COL19A1: variants seen among roughly 807,000 people sequenced by gnomAD.
The protein encoded by COL19A1 is collagen type XIX alpha 1 chain, also known as collagen alpha-1(XIX) chain.
In COL19A1, 159 loss-of-function variants were observed where a neutral mutation model predicts 190.2. The ratio of observed to expected loss-of-function variants is 0.84; its 90% CI spans 0.73 to 0.95. COL19A1 has a LOEUF of 0.95. COL19A1 is among the 40% of genes least tolerant of loss of function. The pLI is 0.00. For missense variants in COL19A1, 1,418 were observed against 1,431.9 expected (o/e 0.99, Z 0.16); for synonymous variants, 509 against 458.9 (o/e 1.11, Z -1.39).
chr6:70,005,241 G>C (rs1193356030), intron 11 of COL19A1, among the ~76,000 whole-genome samples: 4 of 152,082 alleles, frequency 2.6e-5, no homozygotes, highest in Non-Finnish European at 5.9e-5. Flanking sequence ...CTGGCCTTTT[G>C]AGTTTTCAAC....
intron 11 of COL19A1, among the ~76,000 whole-genome samples, chr6:70,005,090 C>T (rs909704564): frequency 4.6e-5 from 7 of 152,078 alleles, no homozygotes; most frequent in Non-Finnish European, 7.4e-5. Flanking sequence ...CCTTGGCCTC[C>T]CTAAGTGCTG....
Position 70,144,348 on chromosome 6 carries a change from C to T in COL19A1, c.1680+85C>T. The stretch of plus-strand genomic sequence containing the variant: ...TCATAAGGGAGATGAAAGGACAGCC[C>T]AGGGCTTCTGGGATTGTACAGATTG... On this transcript the variant is annotated intron_variant, in intron 24 of 50. Coordinates refer to ENST00000620364, the MANE Select transcript of COL19A1 (RefSeq NM_001858.6). 5.0e-6 allele frequency: 6 copies of T among 1,203,038 alleles called. No homozygotes were observed. The South Asian group carries it at 7.9e-5, about 16-fold the overall frequency. The allele number at this position is 1,203,038 out of a possible 1,614,324, so 74.5% of individuals were successfully genotyped here.
At chr6:70,178,402 G>A (rs1765949360) in intron 42 of COL19A1, among the ~76,000 whole-genome samples, 1 of 151,988 alleles carries the variant, frequency 6.6e-6, no homozygotes, top group African/African-American at 2.4e-5. Flanking sequence ...TAAAAGCACT[G>A]ACTGACAATT....
At chr6:69,973,479 C>T (rs1476532652) in intron 11 of COL19A1, among the ~76,000 whole-genome samples, 1 of 152,152 alleles carries the variant, frequency 6.6e-6, no homozygotes, top group African/African-American at 2.4e-5. Context: ...GAATAGATCT[C>T]TTAGGCAGTC....
At chr6:70,122,844 A>G (rs1372616049) in intron 17 of COL19A1, among the ~76,000 whole-genome samples, 1 of 152,190 alleles carries the variant, frequency 6.6e-6, no homozygotes, top group Non-Finnish European at 1.5e-5. Context: ...CTCTCTCTTC[A>G]GAACAAGGTC....
At chr6:70,171,390 A>T (rs188611089) in intron 40 of COL19A1, among the ~76,000 whole-genome samples, 2,620 of 152,296 alleles carry the variant, frequency 0.017, 41 homozygotes, top group Middle Eastern at 0.078. Flanking sequence ...AAAGATTTTT[A>T]AAAATAGAAA....
intron 11 of COL19A1, among the ~76,000 whole-genome samples, chr6:69,995,522 ATT>A (rs111245935): frequency 0.016 from 2,385 of 145,848 alleles, 67 homozygotes; most frequent in African/African-American, 0.054. Context: ...AAACCGTGTG[ATT>A]TTTTTTTTTT....
intron 13 of COL19A1, 124 bp downstream of exon 13, chr6:70,034,422 C>T: frequency 1.4e-6 from 1 of 702,412 alleles, no homozygotes; most frequent in Non-Finnish European, 2.5e-6. Context: ...AAGCTGTTAC[C>T]TTAATAGCAT....
Position 69,929,316 on chromosome 6 carries a change from A to G in COL19A1, c.391-109A>G. 4 of 1,029,130 alleles carry G rather than the reference A, an allele frequency of 3.9e-6. No individual in the cohort carries two copies. The South Asian group carries it at 6.9e-5, about 18-fold the overall frequency. The allele number at this position is 1,029,130 out of a possible 1,614,324, so 63.7% of individuals were successfully genotyped here. A position where few individuals can be genotyped will look rare whatever the true frequency, so the allele number is the denominator to read the frequency against. On this transcript the variant is annotated intron_variant, in intron 5 of 50. Coordinates refer to ENST00000620364, the MANE Select transcript of COL19A1 (RefSeq NM_001858.6). ...ACACAAGTGTCATCTAAAATATTTT[A>G]CTAAGTGCCTCAGTTATACTAATAT... is the stretch of plus-strand genomic sequence containing the variant.
intron 14 of COL19A1, among the ~76,000 whole-genome samples, chr6:70,040,779 C>T (rs1779596847): frequency 6.6e-6 from 1 of 152,174 alleles, no homozygotes; most frequent in Non-Finnish European, 1.5e-5. Flanking sequence ...TTGTCACTTA[C>T]ATCCTTTAAC....
At chr6:69,931,439 T>C (rs1322684464) in intron 6 of COL19A1, among the ~76,000 whole-genome samples, 2 of 152,180 alleles carry the variant, frequency 1.3e-5, no homozygotes, top group African/African-American at 4.8e-5. Context: ...CATCTATCTT[T>C]AGTTAAGTAA....
chr6:69,884,484 T>C (rs1477467583), intron 2 of COL19A1, among the ~76,000 whole-genome samples: 2 of 152,206 alleles, frequency 1.3e-5, no homozygotes, highest in African/African-American at 4.8e-5. Context: ...AAAGTGATTT[T>C]CTGTGTGTGT....
intron 14 of COL19A1, among the ~76,000 whole-genome samples, chr6:70,066,004 C>T (rs535333746): frequency 1.3e-5 from 2 of 152,308 alleles, no homozygotes; most frequent in South Asian, 4.1e-4. Flanking sequence ...GTTGGTGGGA[C>T]TGTAAACTAG....
At chr6:70,182,842 A>C (rs1202118318) in intron 44 of COL19A1, among the ~76,000 whole-genome samples, 1 of 152,172 alleles carries the variant, frequency 6.6e-6, no homozygotes, top group Admixed American at 6.5e-5. Context: ...AGTGAAGACT[A>C]CTTTGAGTAG....
At chr6:69,941,663 C>A (rs1773472913) in intron 9 of COL19A1, among the ~76,000 whole-genome samples, 1 of 150,354 alleles carries the variant, frequency 6.7e-6, no homozygotes, top group Non-Finnish European at 1.5e-5. Flanking sequence ...CTGTATCTGA[C>A]CTTCTCTGGA....
At chr6:70,032,734 ATGTGGC>A (rs1233549100) in intron 12 of COL19A1, among the ~76,000 whole-genome samples, 2 of 152,290 alleles carry the variant, frequency 1.3e-5, no homozygotes, top group Non-Finnish European at 2.9e-5. Context: ...CGAAAGCTAC[ATGTGGC>A]TGTGGCTACC....
At chr6:70,082,224 A>T (rs1782298162) in intron 15 of COL19A1, among the ~76,000 whole-genome samples, 2 of 147,670 alleles carry the variant, frequency 1.4e-5, no homozygotes, top group Admixed American at 1.3e-4. Context: ...CTGACTACTG[A>T]TGAAGAATTG....
intron 15 of COL19A1, among the ~76,000 whole-genome samples, chr6:70,095,980 A>G (rs1783230518): frequency 6.6e-6 from 1 of 152,210 alleles, no homozygotes; most frequent in Non-Finnish European, 1.5e-5. Flanking sequence ...TATTGAGAAT[A>G]ATACTGCTAT....
intron 34 of COL19A1, among the ~76,000 whole-genome samples, chr6:70,157,528 C>A (rs1787515256): frequency 6.6e-6 from 1 of 151,932 alleles, no homozygotes; most frequent in Admixed American, 6.6e-5. Context: ...TAAAGAAAAT[C>A]TATTTTTCTA....
Sources: allele counts gnomAD v4.1 joint callset (sites outside exome capture counted in the v4.1 genomes callset), GRCh38; gene constraint gnomAD v4.1.1; transcripts MANE v1.5; gene names NCBI Gene and HGNC (gene_info 2026-07-23, HGNC 2026-07-21).